ROBO1: variants seen among roughly 807,000 people sequenced by gnomAD.
ROBO1 encodes roundabout homolog 1.
Under a neutral mutation model 195.9 loss-of-function variants are expected in ROBO1, and 149 were observed. The observed-to-expected ratio is 0.76, with a 90% confidence interval of 0.67 to 0.87. The LOEUF (loss-of-function observed/expected upper bound fraction) is 0.87. ROBO1 is among the 40% of genes least tolerant of loss of function. The pLI is 0.00. For missense variants in ROBO1, 1,933 were observed against 2,068.3 expected (o/e 0.93, Z 1.27); for synonymous variants, 816 against 733.2 (o/e 1.11, Z -1.82).
intron 4 of ROBO1, among the ~76,000 whole-genome samples, chr3:78,763,091 A>T (rs2083145953): frequency 6.6e-6 from 1 of 152,176 alleles, no homozygotes; most frequent in South Asian, 2.1e-4. Context: ...TGATCTAAGT[A>T]ATGCTTGAAA....
In ROBO1 at chr3:79,747,570, G is replaced by C. The variant is rs144609870; in HGVS notation, c.-51+20182C>G. Among the ~76,000 whole-genome samples the C allele has an allele frequency of 2.0e-5, 3 of 152,094 alleles. No individual in the cohort carries two copies. The East Asian group carries it at 5.8e-4, about 29-fold the overall frequency. ...CTTATGTGATATAACAGAAAGCGGA[G>C]TTCCAGTTTAAACTGCTTAATAAGG... On this transcript the variant is annotated intron_variant, in intron 1 of 30. Coordinates refer to ENST00000464233, the MANE Select transcript of ROBO1 (RefSeq NM_002941.4).
At chr3:79,083,797 C>T (rs2079318006) in intron 3 of ROBO1, among the ~76,000 whole-genome samples, 1 of 152,166 alleles carries the variant, frequency 6.6e-6, no homozygotes, top group Non-Finnish European at 1.5e-5. Context: ...ACAATTCTCT[C>T]AGGGTTCTTA....
intron 24 of ROBO1, among the ~76,000 whole-genome samples, chr3:78,631,818 G>A (rs919401642): frequency 6.6e-6 from 1 of 152,100 alleles, no homozygotes. Flanking sequence ...AATAATAGCT[G>A]GAATAACTGA....
chr3:79,004,785 T>G (rs972708315), intron 3 of ROBO1, among the ~76,000 whole-genome samples: 1 of 152,176 alleles, frequency 6.6e-6, no homozygotes, highest in African/African-American at 2.4e-5. Flanking sequence ...ATGTGTGCAA[T>G]GTAAGCAAAT....
intron 4 of ROBO1, among the ~76,000 whole-genome samples, chr3:78,762,771 T>C (rs2083138656): frequency 6.6e-6 from 1 of 152,062 alleles, no homozygotes; most frequent in African/African-American, 2.4e-5. Flanking sequence ...TTTATTGTCT[T>C]TACTAATCAA....
chr3:79,755,960 C>T (rs533227347), intron 1 of ROBO1, among the ~76,000 whole-genome samples: 73 of 152,354 alleles, frequency 4.8e-4, no homozygotes, highest in Non-Finnish European at 8.7e-4. Flanking sequence ...TGGGGTTTTA[C>T]ATCTACCTAC....
At chr3:78,793,840 C>A (rs558183166) in intron 4 of ROBO1, among the ~76,000 whole-genome samples, 1 of 151,932 alleles carries the variant, frequency 6.6e-6, no homozygotes, top group East Asian at 1.9e-4. Context: ...TTCCTAAACA[C>A]AGGCAATTTT....
At chr3:78,744,337 A>C (rs527898393) in intron 5 of ROBO1, among the ~76,000 whole-genome samples, 1 of 152,058 alleles carries the variant, frequency 6.6e-6, no homozygotes, top group South Asian at 2.1e-4. Flanking sequence ...TCAAACCACC[A>C]TTTGTCTCTT....
chr3:78,958,016 T>C lies in ROBO1; in HGVS notation c.173-19089A>G, dbSNP rs560796620. Among the ~76,000 whole-genome samples, 19 of 152,310 alleles carry C rather than the reference T, an allele frequency of 1.2e-4. No homozygotes were observed. The East Asian group carries it at 3.3e-3, about 26-fold the overall frequency. ...GCTAGCACAGAAACTACAAGTGACA[T>C]AGACCGAGATGCAGCATAAGGTTCT... On this transcript the variant is annotated intron_variant, in intron 3 of 30. Coordinates refer to ENST00000464233, the MANE Select transcript of ROBO1 (RefSeq NM_002941.4).
chr3:79,476,727 A>G (rs139460050), intron 2 of ROBO1, among the ~76,000 whole-genome samples: 17,091 of 151,984 alleles, frequency 0.11, 1,097 homozygotes, highest in African/African-American at 0.18. Context: ...ATGCAAAGGC[A>G]TAAGAATGAT....
At chr3:79,253,753 A>C (rs561304679) in intron 2 of ROBO1, among the ~76,000 whole-genome samples, 6 of 152,346 alleles carry the variant, frequency 3.9e-5, no homozygotes, top group African/African-American at 1.4e-4. Flanking sequence ...AAAGAGAGAG[A>C]GTAGCGTGAG....
chr3:79,064,749 T>C (rs912674720), intron 3 of ROBO1, among the ~76,000 whole-genome samples: 5 of 151,940 alleles, frequency 3.3e-5, no homozygotes, highest in Non-Finnish European at 7.4e-5. Context: ...ACCCAAATTT[T>C]TGACAAACAT....
At chr3:79,640,473 G>A (rs1945626171) in intron 1 of ROBO1, among the ~76,000 whole-genome samples, 1 of 151,996 alleles carries the variant, frequency 6.6e-6, no homozygotes, top group African/African-American at 2.4e-5. Context: ...TCAGCAATGT[G>A]AAAATAGACT....
At chr3:78,941,336 C>T (rs2040127371) in intron 3 of ROBO1, among the ~76,000 whole-genome samples, 1 of 152,038 alleles carries the variant, frequency 6.6e-6, no homozygotes, top group Admixed American at 6.5e-5. Flanking sequence ...ATGTTGAAGC[C>T]AAGTGAAATT....
chr3:79,215,124 T>C (rs1417028962), intron 2 of ROBO1, among the ~76,000 whole-genome samples: 3 of 152,214 alleles, frequency 2.0e-5, no homozygotes, highest in Middle Eastern at 3.4e-3. Flanking sequence ...TGAGTGCTAA[T>C]GAATCAGAGC....
chr3:79,569,742 T>C (rs552919532), intron 2 of ROBO1, among the ~76,000 whole-genome samples: 1 of 151,820 alleles, frequency 6.6e-6, no homozygotes, highest in African/African-American at 2.4e-5. Context: ...TGTATATATA[T>C]ATGTATATAG....
rs542133564 is a variant in ROBO1 at position 79,536,071 on chromosome 3, A to C, written c.88+53753T>G. On this transcript the variant is annotated intron_variant, in intron 2 of 30. Transcript: ENST00000464233. ...CAAAAAACACCTTTTAAACCGCTAC[A>C]TAATATCTCTAAATAATTTGTACAG... Among the ~76,000 whole-genome samples, 25 of 152,282 alleles carry C rather than the reference A, an allele frequency of 1.6e-4. No homozygotes were observed. The South Asian group carries it at 5.0e-3, about 30-fold the overall frequency.
rs1390077725 is a variant in ROBO1, at chr3:78,851,120, TTCTTTG to T, written c.499+87475_499+87480del. On this transcript the variant is annotated intron_variant, in intron 4 of 30. Coordinates refer to ENST00000464233, the MANE Select transcript of ROBO1 (RefSeq NM_002941.4). ...ACCACGCCCGGTCACACCTATCATT[TTCTTTG>T]TGTCATTTTTTGTTGTTGTTTTTGG... Among the ~76,000 whole-genome samples the T allele has an allele frequency of 9.9e-5, 15 of 152,266 alleles. 1 individual carries two copies. Among genetic ancestry groups the T allele is most frequent in the Middle Eastern group, 6.8e-3 (2 of 294 alleles).
At chr3:79,413,243 T>C (rs574608031) in intron 2 of ROBO1, among the ~76,000 whole-genome samples, 13 of 152,110 alleles carry the variant, frequency 8.5e-5, no homozygotes, top group Non-Finnish European at 1.6e-4. Context: ...GGCTATTTAC[T>C]GTTAGCTCCC....
Sources: allele counts gnomAD v4.1 joint callset (sites outside exome capture counted in the v4.1 genomes callset), GRCh38; gene constraint gnomAD v4.1.1; transcripts MANE v1.5; gene names NCBI Gene and HGNC (gene_info 2026-07-23, HGNC 2026-07-21).